The following KCNG3 variants were observed in gnomAD, a reference collection of about 807,000 sequenced individuals.
The protein encoded by KCNG3 is voltage-gated potassium channel regulatory subunit KCNG3.
Under a neutral mutation model 29.0 loss-of-function variants are expected in KCNG3, and 15 were observed. The observed-to-expected ratio is 0.52, with a 90% confidence interval of 0.35 to 0.80. The LOEUF (loss-of-function observed/expected upper bound fraction) is 0.80, where lower values mean the gene tolerates loss of function less well. Ranked by LOEUF, KCNG3 falls within the 30% of genes least tolerant of loss-of-function variation. The pLI, the probability that KCNG3 is intolerant of heterozygous loss-of-function variation, is 0.01. For missense variants in KCNG3, 512 were observed against 605.7 expected (o/e 0.85, Z 1.62); for synonymous variants, 322 against 248.9 (o/e 1.29, Z -2.76).
At chr2:42,412,424 T>C in the KCNG3 span, among the ~76,000 whole-genome samples, 2 of 152,344 alleles carry the variant, frequency 1.3e-5, no homozygotes, top group East Asian at 1.9e-4. Flanking sequence ...GTGACTATTA[T>C]AGTACTAGGT....
At chr2:42,406,636 C>A in the KCNG3 span, among the ~76,000 whole-genome samples, 9 of 150,800 alleles carry the variant, frequency 6.0e-5, no homozygotes, top group African/African-American at 1.7e-4. Context: ...ACCAGCCTGA[C>A]CAATATGGTG....
chr2:42,447,219 TACAA>T (rs758970852), intron 1 of KCNG3, among the ~76,000 whole-genome samples: 7 of 151,918 alleles, frequency 4.6e-5, no homozygotes, highest in Middle Eastern at 3.4e-3. Context: ...TTGATGTATG[TACAA>T]ACAAACAAAA....
the KCNG3 span, among the ~76,000 whole-genome samples, chr2:42,392,116 T>A: frequency 9.2e-5 from 14 of 152,330 alleles, no homozygotes; most frequent in African/African-American, 3.4e-4. Flanking sequence ...AGTCAAGATG[T>A]ACCAAAGCCT....
intron 1 of KCNG3, among the ~76,000 whole-genome samples, chr2:42,468,854 C>T (rs1485257294): frequency 6.9e-6 from 1 of 145,446 alleles, no homozygotes; most frequent in Non-Finnish European, 1.5e-5. Context: ...ACTCCAGAGG[C>T]TGAGGCAGAG....
the KCNG3 span, among the ~76,000 whole-genome samples, chr2:42,403,706 C>G: frequency 6.7e-6 from 1 of 149,696 alleles, no homozygotes; most frequent in African/African-American, 2.5e-5. Context: ...CTCAAGTGAT[C>G]TACCTGCCTC....
chr2:42,430,994 T>G, the KCNG3 span, among the ~76,000 whole-genome samples: 1 of 150,882 alleles, frequency 6.6e-6, no homozygotes, highest in Admixed American at 6.6e-5. Context: ...TAATCCTAAC[T>G]GCTCAGGAGG....
the KCNG3 span, among the ~76,000 whole-genome samples, chr2:42,429,844 G>C: frequency 6.6e-6 from 1 of 152,270 alleles, no homozygotes; most frequent in Non-Finnish European, 1.5e-5. Flanking sequence ...AAGAAGAAGA[G>C]AAACAATGCG....
the KCNG3 span, among the ~76,000 whole-genome samples, chr2:42,412,256 T>G: frequency 1.3e-5 from 2 of 152,264 alleles, no homozygotes; most frequent in Admixed American, 6.5e-5. Flanking sequence ...AACACTCATT[T>G]AATACATACT....
chr2:42,397,715 T>A, the KCNG3 span, among the ~76,000 whole-genome samples: 1 of 152,212 alleles, frequency 6.6e-6, no homozygotes, highest in Non-Finnish European at 1.5e-5. Context: ...GGTGTTTTCC[T>A]CTTCTTTCTA....
rs1197704587 is a variant in KCNG3, at chr2:42,445,578, A to C, written c.666-999T>G. Reference sequence around the variant, plus strand: ...GGCCGCTAGGATTTTCCCAAAGACCACAAATACTTTGTATTCCATCATCAT... The same window carrying C: ...GGCCGCTAGGATTTTCCCAAAGACCCCAAATACTTTGTATTCCATCATCAT... On this transcript the variant is annotated intron_variant, in intron 1 of 1. Coordinates refer to ENST00000306078, the MANE Select transcript of KCNG3 (RefSeq NM_133329.6). Among the ~76,000 whole-genome samples the C allele has an allele frequency of 2.6e-5, 4 of 152,236 alleles. 1 individual carries two copies. The highest frequency in any genetic ancestry group is 9.6e-5 in the African/African-American group (4 of 41,460).
the KCNG3 span, among the ~76,000 whole-genome samples, chr2:42,410,354 C>T: frequency 2.0e-5 from 3 of 152,266 alleles, no homozygotes; most frequent in East Asian, 3.9e-4. Flanking sequence ...GGGATACACG[C>T]ATTTGCAATT....
At chr2:42,394,306 G>GCCGACA in the KCNG3 span, among the ~76,000 whole-genome samples, 1 of 152,176 alleles carries the variant, frequency 6.6e-6, no homozygotes, top group African/African-American at 2.4e-5. Context: ...GACACAGTCT[G>GCCGACA]CCGACACCAC....
intron 1 of KCNG3, among the ~76,000 whole-genome samples, chr2:42,449,951 C>T (rs930124126): frequency 6.6e-6 from 1 of 152,152 alleles, no homozygotes; most frequent in African/African-American, 2.4e-5. Flanking sequence ...AGCAAGGGCA[C>T]TGAACTTGAC....
At chr2:42,488,274 T>C (rs1363898425) in intron 1 of KCNG3, among the ~76,000 whole-genome samples, 1 of 152,222 alleles carries the variant, frequency 6.6e-6, no homozygotes, top group African/African-American at 2.4e-5. Context: ...AACTTTAGAT[T>C]GTGCACTGTG....
At chr2:42,461,225 G>C (rs1247148591) in intron 1 of KCNG3, among the ~76,000 whole-genome samples, 1 of 147,294 alleles carries the variant, frequency 6.8e-6, no homozygotes, top group Non-Finnish European at 1.5e-5. Flanking sequence ...CATCTTCTAG[G>C]AGCTAATTTA....
the KCNG3 span, among the ~76,000 whole-genome samples, chr2:42,396,418 T>C: frequency 2.0e-5 from 3 of 152,246 alleles, no homozygotes; most frequent in Admixed American, 2.0e-4. Flanking sequence ...TCCTATTTCT[T>C]CTGTTTTTTC....
At chr2:42,391,641 C>T in the KCNG3 span, among the ~76,000 whole-genome samples, 1 of 114,634 alleles carries the variant, frequency 8.7e-6, no homozygotes, top group Admixed American at 1.2e-4. Flanking sequence ...CTCGCTCTGT[C>T]GCCCAGGCTG....
rs748700203 is a variant in KCNG3, at chr2:42,443,923, T to C, written c.*11A>G. The C allele has an allele frequency of 1.3e-6, 2 of 1,591,804 alleles. No homozygotes were observed. ...TCTATGAAGTGTATGCAAGAATTGA[T>C]TTGCAATGCATTAATTCAGGAATTC... On this transcript the variant is annotated 3_prime_UTR_variant, in exon 2 of 2. Coordinates refer to ENST00000306078, the MANE Select transcript of KCNG3 (RefSeq NM_133329.6).
chr2:42,397,951 C>T, the KCNG3 span, among the ~76,000 whole-genome samples: 1 of 152,084 alleles, frequency 6.6e-6, no homozygotes, highest in Admixed American at 6.6e-5. Flanking sequence ...GGGCTGGGCA[C>T]GGTGGCTCAC....
Sources: allele counts gnomAD v4.1 joint callset (sites outside exome capture counted in the v4.1 genomes callset), GRCh38; gene constraint gnomAD v4.1.1; transcripts MANE v1.5; gene names NCBI Gene and HGNC (gene_info 2026-07-23, HGNC 2026-07-21).